Variants in FAAH2 observed in about 807,000 individuals in gnomAD.
FAAH2 encodes fatty-acid amide hydrolase 2.
In FAAH2, 60 loss-of-function variants were observed where a neutral mutation model predicts 36.9. The observed-to-expected ratio is 1.63, with a 90% CI of 1.32 to 2.02. The LOEUF is 2.02. Among genes scored for constraint, FAAH2 ranks in the 30% most tolerant of loss-of-function variants. The pLI is 0.00. For synonymous variants in FAAH2, 214 were observed against 143.8 expected (o/e 1.49, Z -3.49); for missense variants, 689 against 397.5 (o/e 1.73, Z -6.23).
intron 7 of FAAH2, among the ~76,000 whole-genome samples, chrX:57,425,181 G>T (rs1464746497): frequency 3.6e-5 from 4 of 111,277 alleles, no homozygotes; most frequent in Non-Finnish European, 7.6e-5. Context: ...GACAAAAAAA[G>T]AAATAGTTTC....
rs148176426 is a variant in FAAH2 at position 57,488,439 on chromosome X, G to A, written c.1424-318G>A. ...AATAACGTCATGTGAAAGAACTTTA[G>A]GCTATTATTCACACTTTCTGCATTC... is the stretch of plus-strand genomic sequence containing the variant. On this transcript the variant is annotated intron_variant, in intron 10 of 10. Transcript: ENST00000374900. 6.1e-3 allele frequency among the ~76,000 whole-genome samples: 684 copies of A among 111,316 alleles called. 4 individuals are homozygous for A. Among genetic ancestry groups the A allele is most frequent in the Non-Finnish European group, 0.01 (539 of 53,022 alleles).
chrX:57,357,081 T>C (rs749394227), intron 5 of FAAH2, among the ~76,000 whole-genome samples: 2 of 111,357 alleles, frequency 1.8e-5, no homozygotes, highest in African/African-American at 6.5e-5. Flanking sequence ...AGAATGATGG[T>C]TTCCAGATTT....
At chrX:57,151,193 A>AT in the FAAH2 span, among the ~76,000 whole-genome samples, 1 of 111,472 alleles carries the variant, frequency 9.0e-6, no homozygotes, top group African/African-American at 3.3e-5. Flanking sequence ...TGCCCTTAAC[A>AT]TTTTTTCCTT....
chrX:57,450,384 T>G (rs1426965473), intron 10 of FAAH2, among the ~76,000 whole-genome samples: 7 of 111,136 alleles, frequency 6.3e-5, no homozygotes, highest in Non-Finnish European at 9.4e-5. Context: ...CTGAGGAAAC[T>G]GAATGATGTA....
chrX:57,426,640 C>CTTTGAGTCATATGAAATATGA (rs2056169600), intron 7 of FAAH2, among the ~76,000 whole-genome samples: 1 of 111,674 alleles, frequency 9.0e-6, no homozygotes, highest in African/African-American at 3.2e-5. Context: ...ACAACATGTT[C>CTTTGAGTCATATGAAATATGA]CTGCATAATC....
rs770175029 is a variant in FAAH2 at position 57,378,786 on chromosome X, G to A, written c.878G>A (p.Arg293Lys). ...LKVMAGPGIK[R>K]LKLDTKVHLK... ...GTCATGGCAGGACCTGGGATCAAAA[G>A]GTATGTTCATTTATTTTTATTTCCT... Residue 293 changes from arginine (R) to lysine (K), a missense_variant and splice_region_variant, in exon 6 of 11, where the codon AGG (arginine) becomes AAG (lysine). Transcript: ENST00000374900. 5 of 1,201,468 alleles carry A rather than the reference G, an allele frequency of 4.2e-6. No homozygotes were observed. Among genetic ancestry groups the A allele is most frequent in the Admixed American group, 4.5e-5 (2 of 44,623 alleles).
the FAAH2 span, among the ~76,000 whole-genome samples, chrX:57,250,927 C>T: frequency 1.8e-5 from 2 of 111,711 alleles, no homozygotes; most frequent in East Asian, 5.6e-4. Context: ...TTATACCAAA[C>T]ATCTAAAGAA....
intron 7 of FAAH2, among the ~76,000 whole-genome samples, chrX:57,416,416 C>T (rs2055844318): frequency 9.0e-6 from 1 of 111,104 alleles, no homozygotes; most frequent in African/African-American, 3.3e-5. Flanking sequence ...TTTTGTAAGG[C>T]AGGCCTGGTG....
the FAAH2 span, among the ~76,000 whole-genome samples, chrX:57,223,218 G>A: frequency 4.5e-5 from 5 of 111,381 alleles, no homozygotes; most frequent in East Asian, 2.8e-4. Context: ...ACCAAACCCC[G>A]GATGATCCTA....
chrX:57,261,602 T>C, the FAAH2 span, among the ~76,000 whole-genome samples: 1 of 107,888 alleles, frequency 9.3e-6, no homozygotes, highest in African/African-American at 3.4e-5. Context: ...AATCTATATT[T>C]ATACAGAATT....
chrX:57,341,540 A>T, intron 5 of FAAH2, 150 bp downstream of exon 5: 1 of 668,892 alleles, frequency 1.5e-6, no homozygotes, highest in Non-Finnish European at 2.1e-6. Context: ...TTTATTGAGC[A>T]CCAACTCTGG....
chrX:57,304,377 A>C (rs1306261520), intron 2 of FAAH2, among the ~76,000 whole-genome samples: 4 of 112,040 alleles, frequency 3.6e-5, no homozygotes, highest in Non-Finnish European at 7.5e-5. Flanking sequence ...TTAGCTCTAG[A>C]ATTGATTGAC....
chrX:57,400,251 A>T (rs2055398699), intron 7 of FAAH2, among the ~76,000 whole-genome samples: 1 of 111,648 alleles, frequency 9.0e-6, no homozygotes, highest in South Asian at 3.8e-4. Context: ...ACACAGTAAG[A>T]TCTCTTCCCT....
intron 9 of FAAH2, among the ~76,000 whole-genome samples, 173 bp downstream of exon 9, chrX:57,447,212 C>T (rs769979988): frequency 8.9e-6 from 1 of 112,099 alleles, no homozygotes; most frequent in South Asian, 3.8e-4. Context: ...CCAGGTCACG[C>T]TGATGCAAGA....
intron 7 of FAAH2, among the ~76,000 whole-genome samples, chrX:57,421,500 G>C (rs1353213525): frequency 9.0e-6 from 1 of 111,514 alleles, no homozygotes; most frequent in East Asian, 2.8e-4. Context: ...AGTATGGTCA[G>C]GTTTTGGTGA....
intron 2 of FAAH2, among the ~76,000 whole-genome samples, chrX:57,296,996 C>T (rs1036834421): frequency 2.7e-5 from 3 of 109,603 alleles, no homozygotes; most frequent in Non-Finnish European, 5.7e-5. Context: ...CTGAAAGTCA[C>T]GGGGAGAATG....
At chrX:57,163,012 A>G in the FAAH2 span, among the ~76,000 whole-genome samples, 1 of 111,486 alleles carries the variant, frequency 9.0e-6, no homozygotes, top group African/African-American at 3.3e-5. Context: ...TTGGTCTTTG[A>G]TGATGGTGAT....
chrX:57,335,565 A>C (rs2053527152), intron 4 of FAAH2, among the ~76,000 whole-genome samples: 1 of 113,406 alleles, frequency 8.8e-6, no homozygotes, highest in African/African-American at 3.2e-5. Flanking sequence ...CTATCTCAGT[A>C]GATGGAATAT....
At chrX:57,473,137 A>C (rs763980596) in intron 10 of FAAH2, among the ~76,000 whole-genome samples, 1 of 110,319 alleles carries the variant, frequency 9.1e-6, no homozygotes, top group African/African-American at 3.3e-5. Flanking sequence ...TTAATTTTAG[A>C]GCTCTCTCTC....
Sources: gnomAD v4.1 joint callset for allele counts (sites outside exome capture counted in the v4.1 genomes callset) on GRCh38, gnomAD v4.1.1 for gene constraint, MANE v1.5 for transcripts, NCBI Gene and HGNC (gene_info 2026-07-23, HGNC 2026-07-21) for gene names.